Variants in PDZD2 observed in about 807,000 individuals in gnomAD.
PDZD2 encodes the protein PDZ domain-containing protein 2.
In PDZD2, 90 loss-of-function variants were observed where a neutral mutation model predicts 220.7. The observed-to-expected ratio is 0.41, with a 90% CI of 0.34 to 0.49. The LOEUF is 0.49. Ranked by LOEUF, PDZD2 falls within the 20% of genes least tolerant of loss-of-function variation. The pLI, the probability that PDZD2 is intolerant of heterozygous loss-of-function variation, is 0.28. For synonymous variants in PDZD2, 1,375 were observed against 1,450.5 expected, an observed-to-expected ratio of 0.95 and a Z score of 1.18; for missense variants, 3,174 against 3,608.5, an observed-to-expected ratio of 0.88 and a Z score of 3.08.
chr5:31,737,897 C>T (rs527908454), intron 1 of PDZD2, among the ~76,000 whole-genome samples: 1 of 152,246 alleles, frequency 6.6e-6, no homozygotes, highest in African/African-American at 2.4e-5. Flanking sequence ...TCATAAGAAC[C>T]GTATGAAACA....
At chr5:31,733,109 C>T (rs561511781) in intron 1 of PDZD2, among the ~76,000 whole-genome samples, 77 of 152,192 alleles carry the variant, frequency 5.1e-4, no homozygotes, top group African/African-American at 1.7e-3. Flanking sequence ...TAGTACAAGC[C>T]GTGATTCCAT....
chr5:31,698,175 A>G (rs1747455525), intron 1 of PDZD2, among the ~76,000 whole-genome samples: 1 of 149,696 alleles, frequency 6.7e-6, no homozygotes, highest in Admixed American at 6.7e-5. Flanking sequence ...AAGTGCTGAG[A>G]TTACAGGCGT....
chr5:31,949,766 G>A (rs1045423702), intron 2 of PDZD2, among the ~76,000 whole-genome samples: 2 of 150,694 alleles, frequency 1.3e-5, no homozygotes, highest in African/African-American at 2.4e-5. Context: ...TCTGCCTCCC[G>A]GGTTCAAGCA....
intron 19 of PDZD2, among the ~76,000 whole-genome samples, chr5:32,079,509 A>G (rs1741701863): frequency 6.6e-6 from 1 of 151,828 alleles, no homozygotes; most frequent in Non-Finnish European, 1.5e-5. Context: ...GGGCTGTCCT[A>G]CAAAATAAAA....
rs115764909 is a variant in PDZD2 at position 31,974,972 on chromosome 5, C to T, written c.477-8183C>T. ...TTGGTAGTTGATAATTTGAATTGGG[C>T]GTGAATGACTAATAATGTATCATTG... On this transcript the variant is annotated intron_variant, in intron 2 of 24. Coordinates refer to ENST00000438447, the MANE Select transcript of PDZD2 (RefSeq NM_178140.4). Among the ~76,000 whole-genome samples the T allele has an allele frequency of 1.6e-3, 249 of 151,910 alleles. 1 individual carries two copies. The highest frequency in any genetic ancestry group is 5.2e-3 in the African/African-American group (217 of 41,382).
intron 1 of PDZD2, among the ~76,000 whole-genome samples, chr5:31,703,336 T>C (rs1049648209): frequency 6.6e-6 from 1 of 152,186 alleles, no homozygotes; most frequent in Non-Finnish European, 1.5e-5. Flanking sequence ...GGGACATGGA[T>C]GAAGCTGGAA....
At chr5:31,685,458 C>T (rs765889864) in intron 1 of PDZD2, among the ~76,000 whole-genome samples, 2 of 152,182 alleles carry the variant, frequency 1.3e-5, no homozygotes, top group African/African-American at 2.4e-5. Flanking sequence ...ATCTATCACA[C>T]AGCTTCTACA....
chr5:31,932,616 T>C (rs935486856), intron 2 of PDZD2, among the ~76,000 whole-genome samples: 3 of 152,262 alleles, frequency 2.0e-5, no homozygotes, highest in South Asian at 4.1e-4. Context: ...ACACTTAATA[T>C]AAAAGTTCTC....
chr5:32,002,856 ACACACACCCCACAT>A (rs2112017497), intron 5 of PDZD2, among the ~76,000 whole-genome samples: 1 of 115,188 alleles, frequency 8.7e-6, no homozygotes. Flanking sequence ...ACACCAACAC[ACACACACCCCACAT>A]ACCACACACA....
intron 2 of PDZD2, among the ~76,000 whole-genome samples, chr5:31,946,257 C>T (rs1746621366): frequency 1.3e-5 from 2 of 152,350 alleles, no homozygotes; most frequent in Non-Finnish European, 1.5e-5. Flanking sequence ...CCTGCCTCGG[C>T]CTCCCAAAGT....
intron 2 of PDZD2, among the ~76,000 whole-genome samples, chr5:31,869,859 G>C (rs1206122264): frequency 6.6e-6 from 1 of 152,138 alleles, no homozygotes; most frequent in East Asian, 1.9e-4. Flanking sequence ...GCAGAGAGAG[G>C]GGTGGGTCTG....
chr5:31,990,603 C>T (rs892318440), intron 3 of PDZD2, among the ~76,000 whole-genome samples: 4 of 152,176 alleles, frequency 2.6e-5, no homozygotes, highest in Non-Finnish European at 5.9e-5. Flanking sequence ...TAACCTCAGT[C>T]GCAAGGACCA....
chr5:31,762,531 G>T (rs1331617698), intron 1 of PDZD2, among the ~76,000 whole-genome samples: 1 of 152,060 alleles, frequency 6.6e-6, no homozygotes, highest in African/African-American at 2.4e-5. Flanking sequence ...CAGGTGATCC[G>T]CCTGCCTCAG....
intron 2 of PDZD2, among the ~76,000 whole-genome samples, chr5:31,865,939 T>TG (rs924492850): frequency 4.6e-5 from 7 of 151,258 alleles, no homozygotes; most frequent in African/African-American, 1.7e-4. Flanking sequence ...CCTTTTTTTT[T>TG]TTTTTAATCC....
chr5:31,782,611 G>A (rs1471400150), intron 1 of PDZD2, among the ~76,000 whole-genome samples: 2 of 151,682 alleles, frequency 1.3e-5, no homozygotes, highest in Non-Finnish European at 2.9e-5. Context: ...CAGGTCTTGG[G>A]AATCAGAATC....
intron 2 of PDZD2, among the ~76,000 whole-genome samples, chr5:31,878,660 A>C (rs79635809): frequency 0.34 from 48,688 of 143,812 alleles, 8,145 homozygotes; most frequent in East Asian, 0.5. Flanking sequence ...CCCGGGGTTC[A>C]CGCCATTCTC....
chr5:31,742,741 C>T (rs1225162126), intron 1 of PDZD2, among the ~76,000 whole-genome samples: 4 of 152,134 alleles, frequency 2.6e-5, no homozygotes, highest in African/African-American at 7.2e-5. Context: ...GAATAATATT[C>T]GTGTCTTCCC....
chr5:31,643,671 T>C (rs1745030296), intron 1 of PDZD2, among the ~76,000 whole-genome samples: 1 of 151,988 alleles, frequency 6.6e-6, no homozygotes, highest in Non-Finnish European at 1.5e-5. Context: ...AAATCTGCAA[T>C]CCCCCTTGGT....
At chr5:31,794,637 C>G (rs1434894477) in intron 1 of PDZD2, among the ~76,000 whole-genome samples, 1 of 152,026 alleles carries the variant, frequency 6.6e-6, no homozygotes, top group African/African-American at 2.4e-5. Context: ...AAACTCCTGA[C>G]CTCAGGTGAT....
Sources: allele counts gnomAD v4.1 joint callset (sites outside exome capture counted in the v4.1 genomes callset), GRCh38; gene constraint gnomAD v4.1.1; transcripts MANE v1.5; gene names NCBI Gene and HGNC (gene_info 2026-07-23, HGNC 2026-07-21).